The following PCNX2 variants were observed in gnomAD, a reference collection of about 807,000 sequenced individuals.
PCNX2 encodes the protein pecanex 2.
A neutral mutation model predicts 223.8 loss-of-function variants in PCNX2; 168 were observed. The observed-to-expected ratio is 0.75, with a 90% CI of 0.66 to 0.85. PCNX2 has a LOEUF of 0.85. Ranked by LOEUF, PCNX2 falls within the 40% of genes least tolerant of loss-of-function variation. The pLI, the probability that PCNX2 is intolerant of heterozygous loss-of-function variation, is 0.00. For synonymous variants in PCNX2, 1,006 were observed against 1,052.6 expected, an observed-to-expected ratio of 0.96 and a Z score of 0.86; for missense variants, 2,507 against 2,675.5, an observed-to-expected ratio of 0.94 and a Z score of 1.39.
intron 13 of PCNX2, among the ~76,000 whole-genome samples, chr1:233,204,529 G>C (rs1257445348): frequency 6.6e-6 from 1 of 152,180 alleles, no homozygotes; most frequent in Non-Finnish European, 1.5e-5. Flanking sequence ...AGCAGCTTTA[G>C]ACTACTTACA....
At chr1:233,128,832 A>G (rs1676255250) in intron 21 of PCNX2, among the ~76,000 whole-genome samples, 1 of 152,248 alleles carries the variant, frequency 6.6e-6, no homozygotes. Context: ...CTGAAGAAGC[A>G]AGATAAAGAG....
intron 17 of PCNX2, among the ~76,000 whole-genome samples, chr1:233,175,533 T>C (rs1679430707): frequency 6.6e-6 from 1 of 152,154 alleles, no homozygotes; most frequent in Non-Finnish European, 1.5e-5. Flanking sequence ...TTGAAGGGCA[T>C]AGTTTTTCTC....
intron 15 of PCNX2, among the ~76,000 whole-genome samples, chr1:233,191,828 C>G (rs1680435166): frequency 6.6e-6 from 1 of 152,206 alleles, no homozygotes; most frequent in Non-Finnish European, 1.5e-5. Context: ...GGGCAGTCTG[C>G]AGCAACTCCT....
chr1:233,039,283 T>C (rs1671563410), intron 25 of PCNX2, among the ~76,000 whole-genome samples: 2 of 152,040 alleles, frequency 1.3e-5, no homozygotes, highest in South Asian at 4.1e-4. Flanking sequence ...AAGCAGGGAG[T>C]CTACGGATAG....
the PCNX2 span, among the ~76,000 whole-genome samples, chr1:233,316,596 T>C: frequency 6.6e-6 from 1 of 152,216 alleles, no homozygotes; most frequent in East Asian, 1.9e-4. Flanking sequence ...TCAGCTGTCA[T>C]ACTGACATAA....
intron 18 of PCNX2, 30 bp from the exon 19 acceptor site, chr1:233,160,463 C>T: frequency 1.9e-6 from 3 of 1,605,984 alleles, no homozygotes; most frequent in Non-Finnish European, 2.6e-6. Flanking sequence ...AATCTCATTA[C>T]TTAGCCTAGA....
chr1:233,009,306 T>C (rs1298669847), intron 28 of PCNX2, among the ~76,000 whole-genome samples: 2 of 152,190 alleles, frequency 1.3e-5, no homozygotes, highest in Non-Finnish European at 2.9e-5. Context: ...TTTCAGCAAT[T>C]AATATCCAGG....
At chr1:233,007,840 T>A (rs1237996721) in intron 28 of PCNX2, among the ~76,000 whole-genome samples, 1 of 149,778 alleles carries the variant, frequency 6.7e-6, no homozygotes, top group African/African-American at 2.5e-5. Context: ...CATGCCCGGC[T>A]ATTTTTTTTT....
At chr1:233,058,949 C>T (rs1212600469) in intron 23 of PCNX2, among the ~76,000 whole-genome samples, 3 of 152,182 alleles carry the variant, frequency 2.0e-5, no homozygotes, top group Non-Finnish European at 4.4e-5. Flanking sequence ...AGGTGTGAGT[C>T]ACAGCGCCTG....
rs553686303 is a variant in PCNX2, at chr1:233,033,065, C to T, written c.4352-7666G>A. ...CCAAAGGAAATGCTGAAGGTCAACC[C>T]GCCCACACAGTGTGACCTTTCGAAG... On this transcript the variant is annotated intron_variant, in intron 25 of 33. Coordinates refer to ENST00000258229, the MANE Select transcript of PCNX2 (RefSeq NM_014801.4). 6 of 985,374 alleles carry T rather than the reference C, an allele frequency of 6.1e-6. No individual in the cohort carries two copies. The African/African-American group carries it at 8.7e-5, about 14-fold the overall frequency. The allele number at this position is 985,374 out of a possible 1,614,324, so 61.0% of individuals were successfully genotyped here. A position where few individuals can be genotyped will look rare whatever the true frequency, so the allele number is the denominator to read the frequency against.
At chr1:233,325,257 G>A in the PCNX2 span, among the ~76,000 whole-genome samples, 1 of 152,132 alleles carries the variant, frequency 6.6e-6, no homozygotes, top group African/African-American at 2.4e-5. Flanking sequence ...ATTAACAGGA[G>A]TTTGGAAGAA....
chr1:233,272,203 A>G (rs1660672702), intron 1 of PCNX2, among the ~76,000 whole-genome samples: 1 of 152,098 alleles, frequency 6.6e-6, no homozygotes, highest in Admixed American at 6.6e-5. Context: ...GAGTAAACAG[A>G]CAACCCACAG....
chr1:232,996,813 C>T (rs937982708), intron 32 of PCNX2, among the ~76,000 whole-genome samples: 3 of 152,232 alleles, frequency 2.0e-5, no homozygotes, highest in African/African-American at 7.2e-5. Context: ...TGTTAAATTT[C>T]ACCCTGACAA....
At chr1:233,138,487 G>A (rs994677341) in intron 20 of PCNX2, among the ~76,000 whole-genome samples, 2 of 152,102 alleles carry the variant, frequency 1.3e-5, no homozygotes, top group Non-Finnish European at 1.5e-5. Context: ...GTTCCCATTC[G>A]AGAAACTGAG....
chr1:233,234,798 G>A (rs1359443962), intron 9 of PCNX2, among the ~76,000 whole-genome samples: 15 of 152,076 alleles, frequency 9.9e-5, no homozygotes, highest in Non-Finnish European at 1.3e-4. Context: ...TAGCACTTCC[G>A]GGCTTATCTC....
At chr1:233,282,241 C>T (rs914076754) in intron 1 of PCNX2, among the ~76,000 whole-genome samples, 4 of 152,148 alleles carry the variant, frequency 2.6e-5, no homozygotes, top group African/African-American at 9.7e-5. Flanking sequence ...CTGAGTGTAG[C>T]GCTCCTGGGG....
chr1:232,985,786 T>A, intron 33 of PCNX2: 3 of 590,968 alleles, frequency 5.1e-6, no homozygotes, highest in Non-Finnish European at 9.0e-6. Context: ...GAGGGCATTC[T>A]CCGTCATGCC....
In PCNX2 at chr1:233,014,660, G is replaced by A; in HGVS notation, c.4952+5C>T. The A allele has an allele frequency of 6.2e-7, 1 of 1,612,584 alleles. No homozygotes were observed. Among genetic ancestry groups the A allele is most frequent in the Non-Finnish European group, 8.5e-7 (1 of 1,178,654 alleles). ...TAAGAGATTCTAACTTCTCCCCCCA[G>A]GTACCTGATGGCCATATTGTGAGCG... On this transcript the variant is annotated splice_donor_5th_base_variant and intron_variant, in intron 28 of 33. Coordinates refer to ENST00000258229, the MANE Select transcript of PCNX2 (RefSeq NM_014801.4).
chr1:233,189,772 A>T (rs1399330895), intron 15 of PCNX2, among the ~76,000 whole-genome samples: 12 of 152,312 alleles, frequency 7.9e-5, no homozygotes, highest in African/African-American at 2.9e-4. Context: ...CTTGCCATTA[A>T]TAAAAAAGAA....
Sources: allele counts gnomAD v4.1 joint callset (sites outside exome capture counted in the v4.1 genomes callset), GRCh38; gene constraint gnomAD v4.1.1; transcripts MANE v1.5; gene names NCBI Gene and HGNC (gene_info 2026-07-23, HGNC 2026-07-21).